Variants in INTS9 observed in about 807,000 individuals in gnomAD.
INTS9 encodes integrator complex subunit 9.
Under a neutral mutation model 79.7 loss-of-function variants are expected in INTS9, and 55 were observed. That is an observed-to-expected ratio of 0.69 (90% CI 0.56 to 0.86). The LOEUF (loss-of-function observed/expected upper bound fraction) is 0.86, where lower values mean the gene tolerates loss of function less well. Among genes scored for constraint, INTS9 ranks in the 40% least tolerant of loss-of-function variants. The pLI, the probability that INTS9 is intolerant of heterozygous loss-of-function variation, is 0.00. For synonymous variants in INTS9, 319 were observed against 325.2 expected (o/e 0.98, Z 0.20); for missense variants, 721 against 831.5 (o/e 0.87, Z 1.64).
intron 14 of INTS9, among the ~76,000 whole-genome samples, chr8:28,773,553 T>C (rs957916989): frequency 8.8e-5 from 13 of 148,072 alleles, no homozygotes; most frequent in Non-Finnish European, 1.3e-4. Context: ...TTTTGAAATA[T>C]CTTTTTTTTT....
intron 1 of INTS9, among the ~76,000 whole-genome samples, chr8:28,876,044 C>G (rs983726163): frequency 6.6e-6 from 1 of 152,122 alleles, no homozygotes; most frequent in African/African-American, 2.4e-5. Context: ...GCTCTGAGCC[C>G]CTTTTTGTTT....
rs575437659 is a variant in INTS9 at position 28,799,072 on chromosome 8, G to A, written c.745-2417C>T. Among the ~76,000 whole-genome samples the A allele has an allele frequency of 2.6e-4, 40 of 152,286 alleles. No homozygotes were observed. In the South Asian group the frequency reaches 7.9e-3, roughly 30 times the overall value. ...AGCACTTTGTGAGGCCAAGGCGGGTGGATCACGAGGTCAGGCGTTCGAGAC... is the reference window on the plus strand; with the variant it reads ...AGCACTTTGTGAGGCCAAGGCGGGTAGATCACGAGGTCAGGCGTTCGAGAC... On this transcript the variant is annotated intron_variant, in intron 8 of 16. Transcript: ENST00000521022.
chr8:28,778,960 C>T (rs956418803), intron 12 of INTS9, among the ~76,000 whole-genome samples: 7 of 152,176 alleles, frequency 4.6e-5, no homozygotes, highest in Admixed American at 4.6e-4. Context: ...ACAACTTCTG[C>T]CCTGGAAGCC....
At chr8:28,881,733 G>GCCC (rs1809833998) in intron 1 of INTS9, among the ~76,000 whole-genome samples, 1 of 148,596 alleles carries the variant, frequency 6.7e-6, no homozygotes, top group Admixed American at 6.6e-5. Flanking sequence ...CCGGCCGGCC[G>GCCC]CCCCGTCCGG....
chr8:28,807,289 G>C (rs1804865202), intron 8 of INTS9, among the ~76,000 whole-genome samples: 2 of 152,102 alleles, frequency 1.3e-5, no homozygotes, highest in African/African-American at 4.8e-5. Flanking sequence ...CAGTTTTATG[G>C]AACATTTGAC....
chr8:28,792,646 G>A (rs1466749994), intron 10 of INTS9, among the ~76,000 whole-genome samples: 1 of 152,186 alleles, frequency 6.6e-6, no homozygotes, highest in Non-Finnish European at 1.5e-5. Flanking sequence ...GGGCGCAGTG[G>A]CTCATGCCTG....
At chr8:28,787,744 T>G in intron 11 of INTS9, 85 bp downstream of exon 11, 1 of 930,124 alleles carries the variant, frequency 1.1e-6, no homozygotes, top group Non-Finnish European at 1.7e-6. Context: ...CAGCAATCTA[T>G]TTCATCTAAC....
chr8:28,774,223 A>C (rs1205440340), intron 14 of INTS9, among the ~76,000 whole-genome samples: 1 of 152,254 alleles, frequency 6.6e-6, no homozygotes, highest in Non-Finnish European at 1.5e-5. Context: ...CAAATACATC[A>C]AAATCTTAAC....
chr8:28,777,959 G>A lies in INTS9; in HGVS notation c.1271-6C>T, dbSNP rs1271181000. 8 of 1,600,430 alleles carry A rather than the reference G, an allele frequency of 5.0e-6. No individual in the cohort carries two copies. The highest frequency in any genetic ancestry group is 6.8e-6 in the Non-Finnish European group (8 of 1,174,680). ...CAGGTAGGAGAAGTCTGGTTCTAGG[G>A]AAAGTACAAGAAAGAAATCTTACAA... On this transcript the variant is annotated splice_polypyrimidine_tract_variant and splice_region_variant and intron_variant, in intron 12 of 16. Transcript: ENST00000521022.
At chr8:28,874,193 A>G (rs754372164) in intron 1 of INTS9, among the ~76,000 whole-genome samples, 11 of 152,022 alleles carry the variant, frequency 7.2e-5, no homozygotes, top group Non-Finnish European at 1.0e-4. Context: ...AGTTTTTCTT[A>G]ATTGTGTAAA....
At chr8:28,787,758 C>A in intron 11 of INTS9, 71 bp downstream of exon 11, 1 of 1,084,748 alleles carries the variant, frequency 9.2e-7, no homozygotes, top group Non-Finnish European at 1.4e-6. Flanking sequence ...ATCTAACGAC[C>A]TGCTGTCTGC....
chr8:28,860,001 C>T (rs190603155), intron 1 of INTS9, among the ~76,000 whole-genome samples: 1 of 151,868 alleles, frequency 6.6e-6, no homozygotes, highest in Admixed American at 6.5e-5. Flanking sequence ...AAATAAGTGA[C>T]CTTCCTCAAA....
At chr8:28,815,266 C>T (rs556709521) in intron 6 of INTS9, among the ~76,000 whole-genome samples, 1 of 152,156 alleles carries the variant, frequency 6.6e-6, no homozygotes, top group Non-Finnish European at 1.5e-5. Flanking sequence ...AGAGTGAAAG[C>T]ATGCCAACAA....
At chr8:28,877,617 G>C (rs1418622773) in intron 1 of INTS9, among the ~76,000 whole-genome samples, 1 of 152,186 alleles carries the variant, frequency 6.6e-6, no homozygotes, top group East Asian at 1.9e-4. Context: ...AATGTGAGTT[G>C]TAATTGCAAG....
Position 28,837,560 on chromosome 8 carries a change from T to C in INTS9, c.401+77A>G, listed in dbSNP as rs1050109446. Reference sequence around the variant, plus strand: ...AAGGAACTAACCACCAGCCCTGGTATAATACTGTGATAGCGTCATCACTGA... The same window carrying C: ...AAGGAACTAACCACCAGCCCTGGTACAATACTGTGATAGCGTCATCACTGA... On this transcript the variant is annotated intron_variant, in intron 5 of 16. Transcript: ENST00000521022. 1.7e-5 allele frequency: 25 copies of C among 1,498,700 alleles called. No individual in the cohort carries two copies. In the African/African-American group the frequency reaches 3.5e-4, roughly 21 times the overall value. The allele number at this position is 1,498,700 out of a possible 1,614,324, so 92.8% of individuals were successfully genotyped here.
At chr8:28,864,081 G>A (rs536718362) in intron 1 of INTS9, among the ~76,000 whole-genome samples, 9 of 152,244 alleles carry the variant, frequency 5.9e-5, no homozygotes, top group Admixed American at 5.9e-4. Flanking sequence ...GGCGGCTCAT[G>A]CCTATAATCC....
At chr8:28,795,231 C>T (rs564106455) in intron 9 of INTS9, among the ~76,000 whole-genome samples, 1 of 152,130 alleles carries the variant, frequency 6.6e-6, no homozygotes, top group Non-Finnish European at 1.5e-5. Flanking sequence ...CCACAAGATT[C>T]TCATGTTGGC....
intron 3 of INTS9, among the ~76,000 whole-genome samples, chr8:28,848,185 T>C (rs1318245713): frequency 6.6e-6 from 1 of 152,240 alleles, no homozygotes; most frequent in East Asian, 1.9e-4. Flanking sequence ...CTGAAACCAG[T>C]AAAAGACAGA....
At chr8:28,782,889 A>G (rs1803370158) in intron 11 of INTS9, among the ~76,000 whole-genome samples, 1 of 152,108 alleles carries the variant, frequency 6.6e-6, no homozygotes, top group African/African-American at 2.4e-5. Context: ...CACACACAAA[A>G]AAACCCCCAG....
Sources: allele counts gnomAD v4.1 joint callset (sites outside exome capture counted in the v4.1 genomes callset), GRCh38; gene constraint gnomAD v4.1.1; transcripts MANE v1.5; gene names NCBI Gene and HGNC (gene_info 2026-07-23, HGNC 2026-07-21).